The following DNM2 variants were observed in gnomAD, a reference collection of about 807,000 sequenced individuals.
The protein encoded by DNM2 is dynamin 2.
Under a neutral mutation model 99.0 loss-of-function variants are expected in DNM2, and 15 were observed. The observed-to-expected ratio is 0.15, with a 90% CI of 0.10 to 0.23. DNM2 has a LOEUF of 0.23. DNM2 is among the 10% of genes least tolerant of loss of function. The pLI is 1.00. For missense variants in DNM2, 742 were observed against 1,189.4 expected, an observed-to-expected ratio of 0.62 and a Z score of 5.53; for synonymous variants, 525 against 481.2, an observed-to-expected ratio of 1.09 and a Z score of -1.19.
chr19:10,769,409 G>T (rs2070904348), intron 2 of DNM2: 1 of 152,678 alleles, frequency 6.5e-6, no homozygotes, highest in Non-Finnish European at 1.5e-5. Context: ...GTCTTCCTGG[G>T]AGAGGTGGTA....
chr19:10,795,575 G>A lies in DNM2; in HGVS notation c.1196+136G>A, dbSNP rs1489592010. ...CTCTTGGATGGTTTTCTGTAGCTGC[G>A]AGCCCCTCCCTGAGGGTCTCCAAGG... is the stretch of plus-strand genomic sequence containing the variant. On this transcript the variant is annotated intron_variant, in intron 9 of 20. Transcript: ENST00000389253. The surrounding 1 kb of genome is among the most constrained non-coding windows in gnomAD (Gnocchi z 4.2). 12 of 1,006,730 alleles carry A rather than the reference G, an allele frequency of 1.2e-5. No homozygotes were observed. The highest frequency in any genetic ancestry group is 2.7e-5 in the South Asian group (2 of 75,162). 62.4% of individuals were successfully genotyped at this position (1,006,730 alleles called of 1,614,324 possible). A position where few individuals can be genotyped will look rare whatever the true frequency, so the allele number is the denominator to read the frequency against.
intron 12 of DNM2, among the ~76,000 whole-genome samples, chr19:10,805,225 A>G (rs768414213): frequency 1.4e-4 from 21 of 152,218 alleles, no homozygotes; most frequent in Admixed American, 1.3e-4. Context: ...GTCAGGAGTC[A>G]TGCAAGATAT....
chr19:10,783,175 C>T, intron 6 of DNM2, 55 bp downstream of exon 6: 1 of 1,594,704 alleles, frequency 6.3e-7, no homozygotes, highest in Non-Finnish European at 8.5e-7. Flanking sequence ...CACTGCACAA[C>T]AGCTGCAATC....
intron 10 of DNM2, 81 bp from the exon 11 acceptor site, chr19:10,798,405 G>A (rs1006262286): frequency 2.5e-5 from 28 of 1,101,974 alleles, no homozygotes; most frequent in Admixed American, 2.4e-4. Flanking sequence ...ACCCCCCTCC[G>A]CATTTTCTAC....
intron 2 of DNM2, among the ~76,000 whole-genome samples, chr19:10,761,777 C>T (rs1013105930): frequency 2.3e-4 from 35 of 152,298 alleles, no homozygotes; most frequent in African/African-American, 7.2e-4. Context: ...TCCTCACTTT[C>T]GTCCTCTGGC....
At chr19:10,735,691 T>TC (rs2069499680) in intron 1 of DNM2, among the ~76,000 whole-genome samples, 1 of 151,660 alleles carries the variant, frequency 6.6e-6, no homozygotes, top group African/African-American at 2.4e-5. Flanking sequence ...TTTTTTTTTT[T>TC]CAAGAGATGG....
intron 6 of DNM2, among the ~76,000 whole-genome samples, chr19:10,783,699 A>ATTTTT (rs35245958): frequency 9.2e-5 from 13 of 141,600 alleles, no homozygotes; most frequent in Non-Finnish European, 1.2e-4. Context: ...TATTATTATT[A>ATTTTT]TTATTATTTT....
intron 1 of DNM2, among the ~76,000 whole-genome samples, chr19:10,738,019 C>T (rs2069592898): frequency 6.6e-6 from 1 of 152,190 alleles, no homozygotes; most frequent in African/African-American, 2.4e-5. Context: ...CCTGAACTGC[C>T]ACCCTTCTGG....
intron 1 of DNM2, among the ~76,000 whole-genome samples, chr19:10,752,416 G>A (rs568424835): frequency 1.5e-4 from 23 of 152,324 alleles, no homozygotes; most frequent in African/African-American, 4.8e-4. Flanking sequence ...GTGATTGTCC[G>A]TTGTCTGAGC....
chr19:10,723,155 A>G (rs1599413741), intron 1 of DNM2, among the ~76,000 whole-genome samples: 4 of 118,604 alleles, frequency 3.4e-5, no homozygotes, highest in South Asian at 2.6e-4. Flanking sequence ...TTTTTTTGAG[A>G]CGGAGTTTCA....
At chr19:10,804,705 T>G (rs567617249) in intron 12 of DNM2, among the ~76,000 whole-genome samples, 1 of 151,918 alleles carries the variant, frequency 6.6e-6, no homozygotes, top group South Asian at 2.1e-4. Flanking sequence ...AATAAGTAAA[T>G]AAATAGCCCA....
In DNM2 at chr19:10,816,437, C is replaced by T. The variant is rs74322197; in HGVS notation, c.1672-3543C>T. Among the ~76,000 whole-genome samples the T allele has an allele frequency of 1.8e-3, 281 of 152,254 alleles. No individual in the cohort carries two copies. The highest frequency in any genetic ancestry group is 2.1e-3 in the Non-Finnish European group (146 of 68,010). On this transcript the variant is annotated intron_variant, in intron 15 of 20. Transcript: ENST00000389253. This position sits in a 1 kb window ranked among gnomAD's most constrained non-coding sequence, Gnocchi z 4.6. ...GTCCCTGTGGAAGCTTCCAGAACCT[C>T]AGATCCAGCGAACCTCATGGGGTTG...
At chr19:10,771,717 A>C (rs1340724999) in intron 2 of DNM2, among the ~76,000 whole-genome samples, 1 of 151,958 alleles carries the variant, frequency 6.6e-6, no homozygotes, top group African/African-American at 2.4e-5. Flanking sequence ...AAATGGACTC[A>C]CCCTCTCTGG....
intron 1 of DNM2, among the ~76,000 whole-genome samples, chr19:10,730,918 T>C (rs2069290262): frequency 6.6e-6 from 1 of 152,166 alleles, no homozygotes; most frequent in Non-Finnish European, 1.5e-5. Context: ...CACGCTCCCA[T>C]GGCAGACCTA....
intron 8 of DNM2, among the ~76,000 whole-genome samples, chr19:10,794,687 A>G (rs1027670668): frequency 3.9e-5 from 6 of 151,944 alleles, no homozygotes; most frequent in Non-Finnish European, 5.9e-5. Context: ...GGATGCAGCA[A>G]TGAGCCAAGA....
At chr19:10,829,306 C>T (rs773036105) in intron 19 of DNM2, 38 bp downstream of exon 19, 3 of 1,600,706 alleles carry the variant, frequency 1.9e-6, no homozygotes, top group South Asian at 1.1e-5. Context: ...AAGCATTCGG[C>T]CTGCAGGTTC....
At chr19:10,805,042 C>T (rs1241730239) in intron 12 of DNM2, among the ~76,000 whole-genome samples, 3 of 152,094 alleles carry the variant, frequency 2.0e-5, no homozygotes, top group Non-Finnish European at 4.4e-5. Flanking sequence ...ATATTAGAAC[C>T]GTAAGGTGGT....
chr19:10,725,329 C>T (rs2069076769), intron 1 of DNM2, among the ~76,000 whole-genome samples: 1 of 151,848 alleles, frequency 6.6e-6, no homozygotes, highest in South Asian at 2.1e-4. Context: ...GCCTTTAGTC[C>T]CAGCTATTTG....
At chr19:10,755,733 G>A (rs549758879) in intron 1 of DNM2, among the ~76,000 whole-genome samples, 3 of 151,526 alleles carry the variant, frequency 2.0e-5, no homozygotes, top group African/African-American at 4.8e-5. Flanking sequence ...ATGCGATCTC[G>A]GCTCACTACA....
Sources: gnomAD v4.1 joint callset for allele counts (sites outside exome capture counted in the v4.1 genomes callset) on GRCh38, gnomAD v4.1.1 for gene constraint, Gnocchi (gnomAD v3.1) non-coding constraint, MANE v1.5 for transcripts, NCBI Gene and HGNC (gene_info 2026-07-23, HGNC 2026-07-21) for gene names.